WDR37: variants seen among roughly 807,000 people sequenced by gnomAD.
WDR37 encodes the protein WD repeat-containing protein 37.
WDR37 carries 19 observed loss-of-function variants against 62.9 expected under a neutral mutation model. That is an observed-to-expected ratio of 0.30 (90% CI 0.21 to 0.44). The LOEUF (loss-of-function observed/expected upper bound fraction) is 0.44. Among genes scored for constraint, WDR37 ranks in the 20% least tolerant of loss-of-function variants. The pLI is 1.00. For missense variants in WDR37, 474 were observed against 657.6 expected (o/e 0.72, Z 3.05); for synonymous variants, 250 against 260.9 (o/e 0.96, Z 0.40).
intron 11 of WDR37, among the ~76,000 whole-genome samples, chr10:1,116,346 C>G (rs1835399074): frequency 6.6e-6 from 1 of 151,602 alleles, no homozygotes; most frequent in Non-Finnish European, 1.5e-5. Flanking sequence ...TGTTCTGTCT[C>G]TCAGTCCTCC....
At chr10:1,097,831 G>A (rs567061586) in intron 9 of WDR37, among the ~76,000 whole-genome samples, 3 of 152,294 alleles carry the variant, frequency 2.0e-5, no homozygotes, top group Admixed American at 2.0e-4. Flanking sequence ...TCTGTCCAGT[G>A]CCTGCCCTAC....
intron 13 of WDR37, among the ~76,000 whole-genome samples, chr10:1,125,294 C>G (rs1835704603): frequency 6.6e-6 from 1 of 152,028 alleles, no homozygotes; most frequent in South Asian, 2.1e-4. Context: ...TCACGGCAAC[C>G]TCTGTCTCCC....
chr10:1,070,113 C>G (rs1307506751), intron 1 of WDR37, among the ~76,000 whole-genome samples: 1 of 150,364 alleles, frequency 6.7e-6, no homozygotes, highest in Non-Finnish European at 1.5e-5. Context: ...GGCTGAGGCA[C>G]GAGATTCTTG....
chr10:1,086,252 G>A lies in WDR37; in HGVS notation c.533-34G>A, dbSNP rs779590188. 7.2e-5 allele frequency: 114 copies of A among 1,584,790 alleles called. 3 individuals carry two copies. The Admixed American group carries it at 1.9e-3, about 26-fold the overall frequency. On this transcript the variant is annotated intron_variant, in intron 6 of 13. Transcript: ENST00000263150. The stretch of plus-strand genomic sequence containing the variant: ...TTTGAAAAACTATAAACTGATGATA[G>A]CTAAGTTCCGACTTCTTCATTTCCA...
chr10:1,128,858 A>G (rs1336023929), intron 13 of WDR37, among the ~76,000 whole-genome samples: 1 of 147,570 alleles, frequency 6.8e-6, no homozygotes, highest in Non-Finnish European at 1.5e-5. Flanking sequence ...TCAGTGGTCC[A>G]TGCTCGGCGG....
intron 1 of WDR37, among the ~76,000 whole-genome samples, chr10:1,061,062 G>C (rs1443708853): frequency 6.6e-6 from 1 of 152,202 alleles, no homozygotes. Flanking sequence ...ATGTATGACT[G>C]TGTTGAAAGG....
rs1835567969 is a variant in WDR37, at chr10:1,121,210, G to A, written c.1104-3008G>A. 6.6e-6 allele frequency among the ~76,000 whole-genome samples: 1 copy of A among 152,168 alleles called. No homozygotes were observed. The highest frequency in any genetic ancestry group is 1.5e-5 in the Non-Finnish European group (1 of 68,034). On this transcript the variant is annotated intron_variant, in intron 11 of 13. Coordinates refer to ENST00000263150, the MANE Select transcript of WDR37 (RefSeq NM_014023.4). This position sits in a 1 kb window ranked among gnomAD's most constrained non-coding sequence, Gnocchi z 4.5. Reference sequence around the variant, plus strand: ...GATTGTGATTTATTAAAAACCTAATGTCTTTTAGCATTTCATTAACATGGA... The same window carrying A: ...GATTGTGATTTATTAAAAACCTAATATCTTTTAGCATTTCATTAACATGGA...
At chr10:1,086,414 T>G in intron 7 of WDR37, 57 bp downstream of exon 7, 2 of 1,424,026 alleles carry the variant, frequency 1.4e-6, no homozygotes. Context: ...CCAGTGTGTT[T>G]TTAAAATCGT....
intron 11 of WDR37, among the ~76,000 whole-genome samples, chr10:1,115,656 G>A (rs974642394): frequency 6.6e-6 from 1 of 152,238 alleles, no homozygotes; most frequent in Non-Finnish European, 1.5e-5. Flanking sequence ...GGGCCTCTGG[G>A]TGCTGTCCGG....
At chr10:1,093,412 G>A in intron 7 of WDR37, 40 bp from the exon 8 acceptor site, 1 of 1,510,484 alleles carries the variant, frequency 6.6e-7, no homozygotes, top group Non-Finnish European at 9.1e-7. Flanking sequence ...ACATGTTTTT[G>A]TCACTTTAAA....
intron 13 of WDR37, among the ~76,000 whole-genome samples, chr10:1,126,188 G>C (rs566188676): frequency 1.3e-5 from 2 of 152,192 alleles, no homozygotes; most frequent in African/African-American, 4.8e-5. Context: ...GGCAGATCAC[G>C]AGGTCAGGAG....
chr10:1,105,079 G>C lies in WDR37; in HGVS notation c.962-47G>C. 2 of 1,603,896 alleles carry C rather than the reference G, an allele frequency of 1.2e-6. No homozygotes were observed. The highest frequency in any genetic ancestry group is 2.2e-5 in the South Asian group (2 of 90,648). The stretch of plus-strand genomic sequence containing the variant: ...GTGCTGTTGAAAAGCGTCTCTCTCA[G>C]CGTGCTCCTCAGGTGATGACCTTGT... On this transcript the variant is annotated intron_variant, in intron 10 of 13. Coordinates refer to ENST00000263150, the MANE Select transcript of WDR37 (RefSeq NM_014023.4). The surrounding 1 kb of genome is among the most constrained non-coding windows in gnomAD (Gnocchi z 5.3).
chr10:1,058,188 G>A (rs1365040930), intron 1 of WDR37, among the ~76,000 whole-genome samples: 1 of 137,880 alleles, frequency 7.3e-6, no homozygotes, highest in Non-Finnish European at 1.6e-5. Flanking sequence ...AGGGACTCGT[G>A]TGCACTGGCC....
chr10:1,083,815 C>T (rs916499203), intron 5 of WDR37, among the ~76,000 whole-genome samples: 1 of 152,248 alleles, frequency 6.6e-6, no homozygotes, highest in Admixed American at 6.5e-5. Context: ...ATCCTCATAG[C>T]TGGTGCCTGT....
intron 11 of WDR37, among the ~76,000 whole-genome samples, chr10:1,116,768 CA>C (rs1047042949): frequency 6.6e-6 from 1 of 152,168 alleles, no homozygotes; most frequent in African/African-American, 2.4e-5. Context: ...CAGTCATGTT[CA>C]GGGGTGGTCT....
chr10:1,083,462 CAGTGTTTGAAACA>C (rs1834094630), intron 5 of WDR37, among the ~76,000 whole-genome samples: 2 of 152,236 alleles, frequency 1.3e-5, no homozygotes, highest in Admixed American at 1.3e-4. Flanking sequence ...TATGCCAAAT[CAGTGTTTGAAACA>C]AGTTGTGTAA....
At chr10:1,117,384 A>G (rs1835434970) in intron 11 of WDR37, among the ~76,000 whole-genome samples, 1 of 152,178 alleles carries the variant, frequency 6.6e-6, no homozygotes, top group Non-Finnish European at 1.5e-5. Context: ...GTCGCTTCCA[A>G]GTTAGAATAT....
chr10:1,089,054 C>T (rs866300981), intron 7 of WDR37, among the ~76,000 whole-genome samples: 10 of 152,164 alleles, frequency 6.6e-5, no homozygotes, highest in Admixed American at 2.0e-4. Context: ...CTGTTCCTCT[C>T]GCTTTCCCTT....
At chr10:1,074,814 C>T (rs1017175138) in intron 2 of WDR37, among the ~76,000 whole-genome samples, 16 of 152,228 alleles carry the variant, frequency 1.1e-4, no homozygotes, top group Non-Finnish European at 1.8e-4. Flanking sequence ...CTTTATACAT[C>T]TCAGATTTGC....
Sources: allele counts gnomAD v4.1 joint callset (sites outside exome capture counted in the v4.1 genomes callset), GRCh38; gene constraint gnomAD v4.1.1; non-coding constraint Gnocchi (gnomAD v3.1); transcripts MANE v1.5; gene names NCBI Gene and HGNC (gene_info 2026-07-23, HGNC 2026-07-21).